Variants in PRKCA observed in about 807,000 individuals in gnomAD.
PRKCA encodes protein kinase C alpha, also known as protein kinase C alpha type.
In PRKCA, 27 loss-of-function variants were observed where a neutral mutation model predicts 87.0. That is an observed-to-expected ratio of 0.31 (90% CI 0.23 to 0.43). The LOEUF is 0.43. Among genes scored for constraint, PRKCA ranks in the 20% least tolerant of loss-of-function variants. PRKCA has a pLI of 1.00. For missense variants in PRKCA, 518 were observed against 852.3 expected, an observed-to-expected ratio of 0.61 and a Z score of 4.88; for synonymous variants, 329 against 311.1, an observed-to-expected ratio of 1.06 and a Z score of -0.61.
intron 3 of PRKCA, among the ~76,000 whole-genome samples, chr17:66,619,340 T>A (rs1165765850): frequency 6.6e-6 from 1 of 152,188 alleles, no homozygotes; most frequent in African/African-American, 2.4e-5. Flanking sequence ...CCGCTCCAAG[T>A]GACTGTAGGT....
intron 3 of PRKCA, among the ~76,000 whole-genome samples, chr17:66,532,107 T>C (rs1421661745): frequency 6.6e-6 from 1 of 151,846 alleles, no homozygotes; most frequent in Admixed American, 6.6e-5. Context: ...TGGTTTTGCC[T>C]TTAGGGATGG....
intron 2 of PRKCA, among the ~76,000 whole-genome samples, chr17:66,391,676 T>C (rs1464233282): frequency 6.6e-6 from 1 of 152,186 alleles, no homozygotes; most frequent in Non-Finnish European, 1.5e-5. Context: ...TTCTGTTTGT[T>C]TTTTCACTTC....
At chr17:66,466,271 T>G (rs560466760) in intron 2 of PRKCA, among the ~76,000 whole-genome samples, 20 of 152,294 alleles carry the variant, frequency 1.3e-4, no homozygotes, top group African/African-American at 4.8e-4. Context: ...AAAGAATTTG[T>G]GTGTGGGTGG....
At chr17:66,396,704 C>T (rs1910696203) in intron 2 of PRKCA, among the ~76,000 whole-genome samples, 1 of 150,828 alleles carries the variant, frequency 6.6e-6, no homozygotes, top group South Asian at 2.1e-4. Flanking sequence ...TCTCCGCTCA[C>T]TGCAACCTCT....
At chr17:66,400,272 C>G (rs1458279881) in intron 2 of PRKCA, among the ~76,000 whole-genome samples, 1 of 152,200 alleles carries the variant, frequency 6.6e-6, no homozygotes, top group Non-Finnish European at 1.5e-5. Context: ...GTGCCTTAGC[C>G]ACCTGAGTAG....
intron 1 of PRKCA, among the ~76,000 whole-genome samples, chr17:66,303,535 T>C (rs1402577378): frequency 6.6e-6 from 1 of 151,942 alleles, no homozygotes; most frequent in Non-Finnish European, 1.5e-5. Context: ...CCCATCGGGC[T>C]GGACTGCGCT....
chr17:66,709,948 T>G (rs1388042859), intron 8 of PRKCA, among the ~76,000 whole-genome samples: 1 of 152,192 alleles, frequency 6.6e-6, no homozygotes, highest in Non-Finnish European at 1.5e-5. Context: ...TATATAACAT[T>G]ACTGGGCACC....
At chr17:66,476,441 G>T (rs563218936) in intron 2 of PRKCA, among the ~76,000 whole-genome samples, 14 of 152,278 alleles carry the variant, frequency 9.2e-5, no homozygotes, top group African/African-American at 1.9e-4. Flanking sequence ...GAGGGAGGCC[G>T]TGAGGAGCCC....
chr17:66,543,981 G>A (rs1171781985), intron 3 of PRKCA, among the ~76,000 whole-genome samples: 1 of 152,206 alleles, frequency 6.6e-6, no homozygotes, highest in African/African-American at 2.4e-5. Flanking sequence ...GGAGGCCAAG[G>A]CAGGCAGATC....
intron 3 of PRKCA, among the ~76,000 whole-genome samples, chr17:66,609,962 G>A (rs917329309): frequency 4.0e-5 from 6 of 151,892 alleles, no homozygotes; most frequent in Admixed American, 2.6e-4. Context: ...CACCAACCGG[G>A]TGTCCTATAG....
intron 2 of PRKCA, among the ~76,000 whole-genome samples, chr17:66,469,852 G>C (rs1229526902): frequency 6.6e-6 from 1 of 152,076 alleles, no homozygotes; most frequent in African/African-American, 2.4e-5. Context: ...AAGTACCCAG[G>C]GCCAATGGCC....
At chr17:66,797,374 A>G (rs1975694133) in intron 16 of PRKCA, among the ~76,000 whole-genome samples, 1 of 152,196 alleles carries the variant, frequency 6.6e-6, no homozygotes, top group African/African-American at 2.4e-5. Flanking sequence ...GTTTGACCAA[A>G]TGGGTAGGAA....
chr17:66,639,706 A>G (rs1971239289), intron 3 of PRKCA, among the ~76,000 whole-genome samples: 1 of 151,944 alleles, frequency 6.6e-6, no homozygotes, highest in Non-Finnish European at 1.5e-5. Context: ...TATATTAATA[A>G]ACAGAGGAGG....
intron 2 of PRKCA, among the ~76,000 whole-genome samples, chr17:66,368,388 T>A (rs868761553): frequency 9.4e-4 from 71 of 75,648 alleles, no homozygotes; most frequent in African/African-American, 4.0e-3. Context: ...ATATATATAT[T>A]TTTTTTTTTT....
intron 3 of PRKCA, among the ~76,000 whole-genome samples, chr17:66,531,351 T>C (rs1447418775): frequency 6.6e-6 from 1 of 152,158 alleles, no homozygotes; most frequent in Non-Finnish European, 1.5e-5. Context: ...CCGAGGAGCT[T>C]TCAAATGAAG....
intron 2 of PRKCA, 74 bp from the exon 3 acceptor site, chr17:66,496,127 A>G: frequency 1.7e-6 from 2 of 1,153,312 alleles, no homozygotes; most frequent in Admixed American, 1.9e-5. Context: ...AACAGCAAGT[A>G]TCTCTGTTTG....
intron 3 of PRKCA, among the ~76,000 whole-genome samples, chr17:66,540,093 G>T (rs1202820672): frequency 3.9e-5 from 6 of 152,222 alleles, no homozygotes; most frequent in African/African-American, 1.4e-4. Context: ...TGTTGCCAGG[G>T]AGGTGATGTT....
chr17:66,501,731 A>T (rs894544168), intron 3 of PRKCA, among the ~76,000 whole-genome samples: 1 of 152,214 alleles, frequency 6.6e-6, no homozygotes, highest in Admixed American at 6.5e-5. Flanking sequence ...AAATAAGACA[A>T]AAGTGCTCTG....
chr17:66,675,149 T>G lies in PRKCA; in HGVS notation c.530-11962T>G, dbSNP rs190928949. Among the ~76,000 whole-genome samples, 606 of 152,314 alleles carry G rather than the reference T, an allele frequency of 4.0e-3. 4 individuals carry two copies. The highest frequency in any genetic ancestry group is 5.3e-3 in the Non-Finnish European group (359 of 68,032). On this transcript the variant is annotated intron_variant, in intron 5 of 16. Transcript: ENST00000413366. ...AACAGAAGTTTACTTCTCACAGTTATGGAGGCTGGAGACTCCAAGTTCAGG... is the reference window on the plus strand; with the variant it reads ...AACAGAAGTTTACTTCTCACAGTTAGGGAGGCTGGAGACTCCAAGTTCAGG...
Sources: allele counts gnomAD v4.1 joint callset (sites outside exome capture counted in the v4.1 genomes callset), GRCh38; gene constraint gnomAD v4.1.1; transcripts MANE v1.5; gene names NCBI Gene and HGNC (gene_info 2026-07-23, HGNC 2026-07-21).